SRGAP1: variants seen among roughly 807,000 people sequenced by gnomAD.
The protein encoded by SRGAP1 is SLIT-ROBO Rho GTPase activating protein 1.
SRGAP1 carries 43 observed loss-of-function variants against 121.9 expected under a neutral mutation model. That is an observed-to-expected ratio of 0.35 (90% CI 0.28 to 0.46). SRGAP1 has a LOEUF of 0.46. Ranked by LOEUF, SRGAP1 falls within the 20% of genes least tolerant of loss-of-function variation. The pLI is 1.00. For missense variants in SRGAP1, 1,102 were observed against 1,350.9 expected (o/e 0.82, Z 2.89); for synonymous variants, 447 against 485.4 (o/e 0.92, Z 1.04).
chr12:64,137,965 T>C (rs193254855), intron 21 of SRGAP1, among the ~76,000 whole-genome samples: 3 of 116,834 alleles, frequency 2.6e-5, no homozygotes, highest in Admixed American at 8.4e-5. Flanking sequence ...AAAAAAAATA[T>C]ATATATATAT....
At chr12:63,999,037 C>T (rs1030265611) in intron 3 of SRGAP1, among the ~76,000 whole-genome samples, 39 of 151,964 alleles carry the variant, frequency 2.6e-4, no homozygotes, top group African/African-American at 9.4e-4. Context: ...GGGAGAAGCC[C>T]CTTACTTCTT....
At chr12:63,960,010 G>A (rs980640426) in intron 1 of SRGAP1, among the ~76,000 whole-genome samples, 3 of 152,046 alleles carry the variant, frequency 2.0e-5, no homozygotes, top group African/African-American at 4.8e-5. Flanking sequence ...GTGAAGGATG[G>A]ACTTGACCCT....
At chr12:63,959,475 G>A (rs1364423557) in intron 1 of SRGAP1, among the ~76,000 whole-genome samples, 1 of 152,122 alleles carries the variant, frequency 6.6e-6, no homozygotes, top group East Asian at 1.9e-4. Context: ...AATTCAGCTG[G>A]CACTGATCAT....
intron 21 of SRGAP1, among the ~76,000 whole-genome samples, chr12:64,138,003 T>C (rs1038123854): frequency 6.0e-5 from 9 of 148,906 alleles, no homozygotes; most frequent in Admixed American, 2.0e-4. Flanking sequence ...AAATTGACAA[T>C]CTTAACCATT....
At chr12:63,950,198 A>G (rs1415630096) in intron 1 of SRGAP1, among the ~76,000 whole-genome samples, 1 of 152,186 alleles carries the variant, frequency 6.6e-6, no homozygotes, top group African/African-American at 2.4e-5. Flanking sequence ...CCTCAACCTA[A>G]TAACCTTCCT....
At chr12:64,108,749 G>A in intron 15 of SRGAP1, 183 bp from the exon 16 acceptor site, 1 of 394,052 alleles carries the variant, frequency 2.5e-6, no homozygotes, top group Non-Finnish European at 4.5e-6. Context: ...CAGAGGAGAT[G>A]CCCTCTGGAA....
chr12:64,070,037 A>G (rs1243066246), intron 8 of SRGAP1, among the ~76,000 whole-genome samples: 94 of 152,292 alleles, frequency 6.2e-4, no homozygotes, highest in Non-Finnish European at 4.3e-4. Flanking sequence ...GCCGGCTCAC[A>G]TTACTCATTT....
chr12:63,886,943 G>C (rs1464849213), intron 1 of SRGAP1, among the ~76,000 whole-genome samples: 3 of 152,078 alleles, frequency 2.0e-5, no homozygotes, highest in African/African-American at 4.8e-5. Context: ...GCGTGATCTT[G>C]GCTCACTGCA....
At chr12:64,079,154 A>G (rs370294018) in intron 9 of SRGAP1, 38 bp downstream of exon 9, 13 of 1,609,526 alleles carry the variant, frequency 8.1e-6, no homozygotes, top group Non-Finnish European at 9.3e-6. Flanking sequence ...TACAGAGCTC[A>G]GATCTAGGAT....
intron 8 of SRGAP1, among the ~76,000 whole-genome samples, chr12:64,069,425 T>A (rs1427970041): frequency 6.6e-6 from 1 of 152,204 alleles, no homozygotes; most frequent in Non-Finnish European, 1.5e-5. Context: ...TGTTAAACTT[T>A]TTAAAATGAG....
intron 1 of SRGAP1, among the ~76,000 whole-genome samples, chr12:63,854,881 G>T (rs1191028234): frequency 6.6e-6 from 1 of 152,178 alleles, no homozygotes; most frequent in African/African-American, 2.4e-5. Context: ...AGGTGTACTT[G>T]CTGGGTCACT....
chr12:64,089,125 G>A (rs951800884), intron 11 of SRGAP1, among the ~76,000 whole-genome samples: 20 of 152,166 alleles, frequency 1.3e-4, no homozygotes, highest in Non-Finnish European at 2.9e-4. Context: ...TTGTATGCAA[G>A]CCAGGTGATC....
chr12:63,852,558 A>T (rs1365253968), intron 1 of SRGAP1, among the ~76,000 whole-genome samples: 1 of 152,192 alleles, frequency 6.6e-6, no homozygotes, highest in Non-Finnish European at 1.5e-5. Flanking sequence ...ATGCAAGTGC[A>T]AGTAACAAAG....
At chr12:63,855,647 C>T (rs1004329447) in intron 1 of SRGAP1, among the ~76,000 whole-genome samples, 1 of 151,594 alleles carries the variant, frequency 6.6e-6, no homozygotes, top group Non-Finnish European at 1.5e-5. Context: ...ACCACCACAC[C>T]CGGCTGATTT....
intron 8 of SRGAP1, among the ~76,000 whole-genome samples, chr12:64,065,780 A>G (rs1000897269): frequency 5.9e-5 from 9 of 152,070 alleles, no homozygotes; most frequent in Non-Finnish European, 1.3e-4. Context: ...ATGCTTTCCT[A>G]TATTCTCTAA....
chr12:63,972,195 C>T (rs1286647976), intron 1 of SRGAP1, among the ~76,000 whole-genome samples: 1 of 152,116 alleles, frequency 6.6e-6, no homozygotes, highest in South Asian at 2.1e-4. Flanking sequence ...CTCGATTTTT[C>T]TTAAAAAGTC....
At chr12:64,002,264 G>T (rs1406141903) in intron 3 of SRGAP1, among the ~76,000 whole-genome samples, 5 of 152,192 alleles carry the variant, frequency 3.3e-5, no homozygotes, top group Non-Finnish European at 7.3e-5. Flanking sequence ...GGCAACAGCA[G>T]CAGTGACACC....
chr12:64,086,954 T>A, intron 10 of SRGAP1, 45 bp from the exon 11 acceptor site: 1 of 1,486,554 alleles, frequency 6.7e-7, no homozygotes, highest in Non-Finnish European at 9.4e-7. Flanking sequence ...ACATACACTC[T>A]GCTGATTCCT....
intron 4 of SRGAP1, among the ~76,000 whole-genome samples, chr12:64,021,588 C>A (rs548285139): frequency 6.6e-6 from 1 of 152,142 alleles, no homozygotes; most frequent in Non-Finnish European, 1.5e-5. Flanking sequence ...GGCTGCAGAG[C>A]CTCTACCCTT....
Sources: gnomAD v4.1 joint callset for allele counts (sites outside exome capture counted in the v4.1 genomes callset) on GRCh38, gnomAD v4.1.1 for gene constraint, MANE v1.5 for transcripts, NCBI Gene and HGNC (gene_info 2026-07-23, HGNC 2026-07-21) for gene names.